TMEM229B: variants seen among roughly 807,000 people sequenced by gnomAD.
TMEM229B encodes the protein transmembrane protein 229B.
A neutral mutation model predicts 13.7 loss-of-function variants in TMEM229B; 6 were observed. The observed-to-expected ratio is 0.44, with a 90% CI of 0.24 to 0.86. The LOEUF is 0.86. TMEM229B is among the 40% of genes least tolerant of loss of function. The pLI, the probability that TMEM229B is intolerant of heterozygous loss-of-function variation, is 0.23. For synonymous variants in TMEM229B, 107 were observed against 102.1 expected (o/e 1.05, Z -0.29); for missense variants, 170 against 236.0 (o/e 0.72, Z 1.83).
chr14:67,492,946 A>T (rs2032227379), upstream of TMEM229B, among the ~76,000 whole-genome samples: 1 of 152,212 alleles, frequency 6.6e-6, no homozygotes, highest in Non-Finnish European at 1.5e-5. Flanking sequence ...ATATTATGCC[A>T]TGAAGATGGG....
At chr14:67,481,618 C>T (rs1056614753) in intron 2 of TMEM229B, among the ~76,000 whole-genome samples, 2 of 152,170 alleles carry the variant, frequency 1.3e-5, no homozygotes, top group Non-Finnish European at 2.9e-5. Context: ...GACTTGGATG[C>T]GTTTTCAGAA....
At chr14:67,493,873 T>G (rs2032263486) in intron 1 of TMEM229B, among the ~76,000 whole-genome samples, 1 of 152,046 alleles carries the variant, frequency 6.6e-6, no homozygotes, top group African/African-American at 2.4e-5. Context: ...CTCACACATG[T>G]AATAAACTTA....
intron 2 of TMEM229B, among the ~76,000 whole-genome samples, chr14:67,474,192 G>A (rs560018473): frequency 1.3e-4 from 20 of 151,912 alleles, no homozygotes; most frequent in African/African-American, 4.3e-4. Flanking sequence ...GCAGAGGTTG[G>A]AGTGAGCCAA....
At chr14:67,519,290 A>C (rs2033254198), upstream of TMEM229B, among the ~76,000 whole-genome samples, 1 of 152,254 alleles carries the variant, frequency 6.6e-6, no homozygotes, top group African/African-American at 2.4e-5. Context: ...AAAGAATATG[A>C]TCAGATGGCT....
upstream of TMEM229B, among the ~76,000 whole-genome samples, chr14:67,491,861 G>A (rs560911806): frequency 3.9e-5 from 6 of 152,314 alleles, no homozygotes; most frequent in African/African-American, 1.4e-4. Flanking sequence ...TGTCTGTCCA[G>A]CTCCCCCAGG....
intron 2 of TMEM229B, among the ~76,000 whole-genome samples, chr14:67,486,706 A>T (rs992175841): frequency 6.6e-6 from 1 of 151,946 alleles, no homozygotes; most frequent in African/African-American, 2.4e-5. Context: ...CGTGGAATTA[A>T]CCCTCTTTTT....
rs757183130 is a variant in TMEM229B, at chr14:67,508,753, C to CAAAAAAAAAAAAAAA, written c.-192+6318_-192+6332dup. Reference sequence around the variant, plus strand: ...TGGGTGACAGAGCAAAACCTTGTCTCAAAAAAAAAAAAAAAAAACAGAAGA... The same window carrying CAAAAAAAAAAAAAAA: ...TGGGTGACAGAGCAAAACCTTGTCTCAAAAAAAAAAAAAAAAAAAAAAAAAAAAAAAAACAGAAGA... On this transcript the variant is annotated intron_variant, in intron 1 of 2. Coordinates refer to the TMEM229B transcript ENST00000357461. Among the ~76,000 whole-genome samples the CAAAAAAAAAAAAAAA allele has an allele frequency of 2.5e-3, 117 of 46,698 alleles. 22 individuals are homozygous for CAAAAAAAAAAAAAAA. The highest frequency in any genetic ancestry group is 3.8e-3 in the Non-Finnish European group (80 of 21,298). The allele number at this position is 46,698 out of a possible 152,430, so 30.6% of individuals were successfully genotyped here.
At chr14:67,485,320 C>T (rs1273897385) in intron 2 of TMEM229B, among the ~76,000 whole-genome samples, 1 of 152,194 alleles carries the variant, frequency 6.6e-6, no homozygotes, top group African/African-American at 2.4e-5. Context: ...GGCTACAAAT[C>T]AACTCAAGAA....
At chr14:67,513,846 G>A (rs1234806394) in intron 1 of TMEM229B, among the ~76,000 whole-genome samples, 2 of 152,184 alleles carry the variant, frequency 1.3e-5, no homozygotes, top group East Asian at 3.9e-4. Context: ...GTGGTCACAT[G>A]TAAGCCAGCT....
chr14:67,505,342 A>G (rs1212929503), intron 1 of TMEM229B, among the ~76,000 whole-genome samples: 1 of 152,124 alleles, frequency 6.6e-6, no homozygotes, highest in Non-Finnish European at 1.5e-5. Flanking sequence ...CACCAGGACC[A>G]CTCAGGAAAC....
intron 1 of TMEM229B, among the ~76,000 whole-genome samples, chr14:67,511,611 A>G (rs2140242327): frequency 6.6e-6 from 1 of 152,330 alleles, no homozygotes; most frequent in Admixed American, 6.5e-5. Flanking sequence ...TTGTTCCTCA[A>G]ATTGCCAGAC....
intron 2 of TMEM229B, among the ~76,000 whole-genome samples, chr14:67,478,305 C>T (rs7151852): frequency 3.3e-5 from 5 of 152,178 alleles, no homozygotes; most frequent in Non-Finnish European, 5.9e-5. Context: ...ATCCCACTGG[C>T]CAAGGGAAAG....
At chr14:67,526,473 A>G in intron 1 of TMEM229B, among the ~76,000 whole-genome samples, 1 of 152,240 alleles carries the variant, frequency 6.6e-6, no homozygotes, top group East Asian at 1.9e-4. Flanking sequence ...TGCCAGATGC[A>G]TGGAACTAAG....
chr14:67,495,419 G>A (rs1055721565), intron 1 of TMEM229B, among the ~76,000 whole-genome samples: 5 of 152,022 alleles, frequency 3.3e-5, no homozygotes, highest in African/African-American at 2.4e-5. Flanking sequence ...GAGATATTTT[G>A]ACACCTGTTT....
chr14:67,508,538 C>T (rs1275848084), intron 1 of TMEM229B, among the ~76,000 whole-genome samples: 1 of 151,960 alleles, frequency 6.6e-6, no homozygotes, highest in Non-Finnish European at 1.5e-5. Flanking sequence ...GTCAGCTCAC[C>T]TTCCTTGGAC....
Position 67,473,762 on chromosome 14 carries a change from G to A in TMEM229B, c.162C>T (p.Gly54=), listed in dbSNP as rs747857452. The A allele has an allele frequency of 3.1e-6, 5 of 1,613,674 alleles. No individual in the cohort carries two copies. The highest frequency in any genetic ancestry group is 4.2e-6 in the Non-Finnish European group (5 of 1,179,892). The change falls in exon 3 of 3, where the codon GGC becomes GGT. Residue 54 remains glycine, a synonymous_variant. Coordinates refer to ENST00000554480, the MANE Select transcript of TMEM229B (RefSeq NM_001348543.2). The surrounding 1 kb of genome is among the most constrained non-coding windows in gnomAD (Gnocchi z 6.5). ...VTSVWALFIY[G]TSILIVERMY... ...TGCGCTCCACGATGAGGATGGAGGTGCCGTAGATGAAGAGGGCCCACACGC... is the reference window on the plus strand; with the variant it reads ...TGCGCTCCACGATGAGGATGGAGGTACCGTAGATGAAGAGGGCCCACACGC...
At chr14:67,529,663 G>C (rs1271276345) in intron 1 of TMEM229B, among the ~76,000 whole-genome samples, 1 of 152,106 alleles carries the variant, frequency 6.6e-6, no homozygotes, top group Non-Finnish European at 1.5e-5. Context: ...GCCCCACTTA[G>C]ATGGTGACTC....
At position 67,471,379 on chromosome 14, in the gene TMEM229B, T is replaced by C. The variant is rs1296340346; in HGVS notation, c.*2041A>G. Reference sequence around the variant, plus strand: ...GGCCCACATGGAAGGCCTGAAGGGGTGCTGGGAGACTAAGACAACATGGAG... The same window carrying C: ...GGCCCACATGGAAGGCCTGAAGGGGCGCTGGGAGACTAAGACAACATGGAG... On this transcript the variant is annotated 3_prime_UTR_variant, in exon 3 of 3. Transcript: ENST00000554480. The C allele has an allele frequency of 6.6e-6, 1 of 152,016 alleles. No homozygotes were observed. Among genetic ancestry groups the C allele is most frequent in the Non-Finnish European group, 1.5e-5 (1 of 68,044 alleles). The allele number at this position is 152,016 out of a possible 1,614,324, so 9.4% of individuals were successfully genotyped here. A position where few individuals can be genotyped will look rare whatever the true frequency, so the allele number is the denominator to read the frequency against.
chr14:67,501,788 G>A (rs2032621433), intron 1 of TMEM229B, among the ~76,000 whole-genome samples: 4 of 152,162 alleles, frequency 2.6e-5, no homozygotes, highest in Admixed American at 2.6e-4. Flanking sequence ...AGGTAATGTA[G>A]AGCACATATC....
Sources: gnomAD v4.1 joint callset for allele counts (sites outside exome capture counted in the v4.1 genomes callset) on GRCh38, gnomAD v4.1.1 for gene constraint, Gnocchi (gnomAD v3.1) non-coding constraint, MANE v1.5 for transcripts, NCBI Gene and HGNC (gene_info 2026-07-23, HGNC 2026-07-21) for gene names.